PIGL: variants seen among roughly 807,000 people sequenced by gnomAD.
PIGL encodes the protein N-acetylglucosaminyl-phosphatidylinositol de-N-acetylase.
In PIGL, 22 loss-of-function variants were observed where a neutral mutation model predicts 31.1. That is an observed-to-expected ratio of 0.71 (90% CI 0.51 to 1.01). The LOEUF is 1.01. Among genes scored for constraint, PIGL ranks in the 50% least tolerant of loss-of-function variants. The pLI, the probability that PIGL is intolerant of heterozygous loss-of-function variation, is 0.00. For missense variants in PIGL, 302 were observed against 315.9 expected (o/e 0.96, Z 0.33); for synonymous variants, 131 against 117.4 (o/e 1.12, Z -0.75).
At chr17:16,219,747 G>C (rs1360463676) in intron 1 of PIGL, among the ~76,000 whole-genome samples, 1 of 151,740 alleles carries the variant, frequency 6.6e-6, no homozygotes, top group East Asian at 2.0e-4. Flanking sequence ...TGTATTTTTG[G>C]TAGAGCTGAG....
chr17:16,280,401 C>A (rs1203864139), intron 2 of PIGL, among the ~76,000 whole-genome samples: 3 of 152,152 alleles, frequency 2.0e-5, no homozygotes, highest in African/African-American at 7.2e-5. Flanking sequence ...ATGGGTGGAT[C>A]TTTCTTTTCT....
intron 2 of PIGL, among the ~76,000 whole-genome samples, chr17:16,256,649 C>T (rs115684721): frequency 0.048 from 7,209 of 149,714 alleles, 193 homozygotes; most frequent in African/African-American, 0.087. Flanking sequence ...CGCGCCCAGC[C>T]GTTTTTCACC....
At chr17:16,237,248 C>T (rs952070174) in intron 2 of PIGL, among the ~76,000 whole-genome samples, 7 of 151,434 alleles carry the variant, frequency 4.6e-5, no homozygotes, top group Non-Finnish European at 8.8e-5. Context: ...GCTGGGATTA[C>T]AGGCACACAC....
chr17:16,237,160 T>C (rs1456766686), intron 2 of PIGL, among the ~76,000 whole-genome samples: 1 of 132,900 alleles, frequency 7.5e-6, no homozygotes, highest in African/African-American at 2.9e-5. Flanking sequence ...CAGGCTGGAG[T>C]GCAGTGGTGC....
At chr17:16,240,215 C>T (rs191451917) in intron 2 of PIGL, among the ~76,000 whole-genome samples, 45 of 152,206 alleles carry the variant, frequency 3.0e-4, no homozygotes, top group Middle Eastern at 3.4e-3. Flanking sequence ...ATGCTTGCTC[C>T]CCCTTTGCCT....
At chr17:16,232,672 T>C (rs1313815092) in intron 1 of PIGL, among the ~76,000 whole-genome samples, 1 of 151,226 alleles carries the variant, frequency 6.6e-6, no homozygotes, top group African/African-American at 2.4e-5. Flanking sequence ...AGACTATTTA[T>C]CACCAAAAAT....
chr17:16,316,484 C>T (rs1342054836), intron 4 of PIGL, among the ~76,000 whole-genome samples, 197 bp from the exon 5 acceptor site: 2 of 152,160 alleles, frequency 1.3e-5, no homozygotes, highest in Non-Finnish European at 2.9e-5. Flanking sequence ...AGCTCAGGTG[C>T]CCATCCTGGT....
chr17:16,316,665 C>T lies in PIGL; in HGVS notation c.495-16C>T, dbSNP rs779405180. ...TGATCCTTACTCCTCTCACTCTTGT[C>T]CTATCCCTCCTCCAGGGCCCTGCAC... On this transcript the variant is annotated splice_polypyrimidine_tract_variant and intron_variant, in intron 4 of 6. Coordinates refer to ENST00000225609, the MANE Select transcript of PIGL (RefSeq NM_004278.4). 3 of 1,595,450 alleles carry T rather than the reference C, an allele frequency of 1.9e-6. No individual in the cohort carries two copies. The highest frequency in any genetic ancestry group is 2.6e-6 in the Non-Finnish European group (3 of 1,165,198).
intron 1 of PIGL, among the ~76,000 whole-genome samples, chr17:16,224,073 G>A (rs1356153331): frequency 6.6e-6 from 1 of 151,796 alleles, no homozygotes; most frequent in Non-Finnish European, 1.5e-5. Context: ...AAATTAGCTG[G>A]GCATGGTGAT....
chr17:16,272,885 G>A (rs564201732), intron 2 of PIGL, among the ~76,000 whole-genome samples: 23 of 152,202 alleles, frequency 1.5e-4, no homozygotes, highest in African/African-American at 3.6e-4. Context: ...CTCAGTGTTC[G>A]ATGCACACTC....
chr17:16,251,692 T>G, intron 2 of PIGL, among the ~76,000 whole-genome samples: 1 of 150,862 alleles, frequency 6.6e-6, no homozygotes, highest in East Asian at 1.9e-4. Context: ...GATGTTAAAA[T>G]GCATGCTGCA....
At chr17:16,264,966 A>G (rs1274771877) in intron 2 of PIGL, among the ~76,000 whole-genome samples, 2 of 152,230 alleles carry the variant, frequency 1.3e-5, no homozygotes, top group Non-Finnish European at 2.9e-5. Context: ...TCATTTTCAC[A>G]TGACAATGTG....
intron 6 of PIGL, among the ~76,000 whole-genome samples, chr17:16,320,502 G>GGA (rs369354786): frequency 0.033 from 4,432 of 135,618 alleles, 272 homozygotes; most frequent in African/African-American, 0.12. Context: ...AGGGAAAGCG[G>GGA]GAGAGAGAGA....
intron 3 of PIGL, among the ~76,000 whole-genome samples, chr17:16,301,848 C>T (rs1046236157): frequency 3.3e-5 from 5 of 151,828 alleles, no homozygotes; most frequent in Non-Finnish European, 5.9e-5. Context: ...GGATTACAGG[C>T]GTGAGCCACC....
intron 2 of PIGL, among the ~76,000 whole-genome samples, chr17:16,237,006 C>T (rs1328377461): frequency 6.6e-6 from 1 of 151,572 alleles, no homozygotes; most frequent in African/African-American, 2.4e-5. Flanking sequence ...GGCGTGATCA[C>T]ACTTCACTGT....
intron 6 of PIGL, among the ~76,000 whole-genome samples, chr17:16,321,237 CTT>C (rs772667855): frequency 7.4e-4 from 89 of 119,792 alleles, no homozygotes; most frequent in African/African-American, 2.1e-3. Flanking sequence ...TGCGCCGGGC[CTT>C]TTTTTTTTTT....
chr17:16,286,079 G>C lies in PIGL; in HGVS notation c.336-13809G>C, dbSNP rs1600823811. Among the ~76,000 whole-genome samples the C allele has an allele frequency of 2.6e-5, 4 of 152,360 alleles. No homozygotes were observed. In the South Asian group the frequency reaches 8.3e-4, roughly 32 times the overall value. On this transcript the variant is annotated intron_variant, in intron 2 of 6. Transcript: ENST00000225609. ...ACTCTACTGACCTTTGCTCGCTTTG[G>C]ATGACAAAGGAAATGATCGAGTTTA...
chr17:16,220,853 G>C (rs757425698), intron 1 of PIGL, among the ~76,000 whole-genome samples: 40 of 151,742 alleles, frequency 2.6e-4, no homozygotes, highest in Admixed American at 6.6e-5. Flanking sequence ...AACTGGTCTC[G>C]AACTCCTGAC....
chr17:16,325,308 G>A (rs1188418329), intron 6 of PIGL, among the ~76,000 whole-genome samples: 9 of 124,922 alleles, frequency 7.2e-5, no homozygotes. Context: ...TCGCGCCACT[G>A]CACTCCAGCC....
Sources: allele counts gnomAD v4.1 joint callset (sites outside exome capture counted in the v4.1 genomes callset), GRCh38; gene constraint gnomAD v4.1.1; transcripts MANE v1.5; gene names NCBI Gene and HGNC (gene_info 2026-07-23, HGNC 2026-07-21).